CCSER2: variants seen among roughly 807,000 people sequenced by gnomAD.
The protein encoded by CCSER2 is serine-rich coiled-coil domain-containing protein 2.
A neutral mutation model predicts 92.3 loss-of-function variants in CCSER2; 46 were observed. The observed-to-expected ratio is 0.50, with a 90% CI of 0.39 to 0.64. CCSER2 has a LOEUF of 0.64. CCSER2 is among the 30% of genes least tolerant of loss of function. CCSER2 has a pLI of 0.00. For synonymous variants in CCSER2, 433 were observed against 431.4 expected (o/e 1.00, Z -0.04); for missense variants, 1,244 against 1,238.9 (o/e 1.00, Z -0.06).
rs773914857 is a variant in CCSER2, at chr10:84,513,580, T to G, written c.2457T>G (p.His819Gln). 7 of 1,613,740 alleles carry G rather than the reference T, an allele frequency of 4.3e-6. No individual in the cohort carries two copies. Among genetic ancestry groups the G allele is most frequent in the Non-Finnish European group, 4.2e-6 (5 of 1,180,004 alleles). The stretch of plus-strand genomic sequence containing the variant: ...AAGACATGCATCAGGGCGGTGCACA[T>G]CCGGAAGAAAGCTTTACACACGTCT... ...SIQDMHQGGA[H>Q]PEESFTHVLH... Residue 819 changes from histidine (H) to glutamine (Q), a missense_variant, in exon 10 of 10, where the codon CAT (histidine) becomes CAG (glutamine). By Grantham distance (24) the His-to-Gln change is conservative. Coordinates refer to ENST00000372088, the MANE Select transcript of CCSER2 (RefSeq NM_001284240.2).
intron 9 of CCSER2, among the ~76,000 whole-genome samples, chr10:84,479,089 A>G (rs1342013958): frequency 6.6e-6 from 1 of 152,140 alleles, no homozygotes; most frequent in Non-Finnish European, 1.5e-5. Flanking sequence ...TGCCATCCTC[A>G]TGGAAGTCTT....
intron 3 of CCSER2, among the ~76,000 whole-genome samples, chr10:84,417,165 CT>C (rs1178825452): frequency 6.6e-6 from 1 of 152,144 alleles, no homozygotes; most frequent in African/African-American, 2.4e-5. Context: ...TAAAACACTA[CT>C]TTTTTAAGAA....
chr10:84,451,822 T>C (rs1219312681), intron 6 of CCSER2, among the ~76,000 whole-genome samples: 3 of 152,220 alleles, frequency 2.0e-5, no homozygotes, highest in Non-Finnish European at 4.4e-5. Context: ...GTCTTTGCCC[T>C]GACCATCTGT....
At position 84,408,920 on chromosome 10, in the gene CCSER2, A is replaced by G. The variant is rs551519162; in HGVS notation, c.1615-8851A>G. Among the ~76,000 whole-genome samples, 12 of 152,334 alleles carry G rather than the reference A, an allele frequency of 7.9e-5. No individual in the cohort carries two copies. The East Asian group carries it at 2.3e-3, about 29-fold the overall frequency. On this transcript the variant is annotated intron_variant, in intron 3 of 9. Transcript: ENST00000372088. ...ATTACTTATAATGCTTATTGTGATA[A>G]ATGAGAAAACATAGGTACTGTAAAT...
At chr10:84,506,189 C>A (rs1311869074) in intron 9 of CCSER2, among the ~76,000 whole-genome samples, 1 of 150,590 alleles carries the variant, frequency 6.6e-6, no homozygotes, top group Non-Finnish European at 1.5e-5. Flanking sequence ...CTTAGAAAAG[C>A]CATTGAACTC....
chr10:84,501,110 T>G (rs1439007291), intron 9 of CCSER2, among the ~76,000 whole-genome samples: 6 of 152,166 alleles, frequency 3.9e-5, no homozygotes, highest in African/African-American at 1.4e-4. Context: ...GTCCTCCTCC[T>G]TTTCTATCTC....
chr10:84,339,896 C>T (rs1844077137), intron 1 of CCSER2, among the ~76,000 whole-genome samples: 1 of 152,042 alleles, frequency 6.6e-6, no homozygotes, highest in African/African-American at 2.4e-5. Flanking sequence ...GTCTGGAGTG[C>T]AAAGGCACAA....
chr10:84,431,877 T>G (rs1289477298), intron 5 of CCSER2, among the ~76,000 whole-genome samples: 1 of 152,224 alleles, frequency 6.6e-6, no homozygotes, highest in Non-Finnish European at 1.5e-5. Flanking sequence ...ATATACAGAT[T>G]TTTGCACGGG....
At chr10:84,465,847 T>C (rs1218940321) in intron 7 of CCSER2, among the ~76,000 whole-genome samples, 1 of 152,092 alleles carries the variant, frequency 6.6e-6, no homozygotes, top group East Asian at 1.9e-4. Flanking sequence ...GCCTCCTGGG[T>C]TCACGCCATT....
intron 1 of CCSER2, among the ~76,000 whole-genome samples, chr10:84,369,052 A>AT (rs979777341): frequency 5.3e-5 from 8 of 150,990 alleles, no homozygotes; most frequent in African/African-American, 1.9e-4. Flanking sequence ...TCCATGGTGT[A>AT]TTTTTTTAAT....
chr10:84,367,232 T>A (rs1589455489), intron 1 of CCSER2, among the ~76,000 whole-genome samples: 1 of 152,128 alleles, frequency 6.6e-6, no homozygotes, highest in Non-Finnish European at 1.5e-5. Context: ...TCACCTTTAT[T>A]TTAGGGATAT....
intron 1 of CCSER2, among the ~76,000 whole-genome samples, chr10:84,355,522 A>G (rs982944897): frequency 2.6e-5 from 4 of 151,994 alleles, no homozygotes; most frequent in African/African-American, 9.7e-5. Context: ...TTGTTCCCCC[A>G]TGTGCTACCC....
At chr10:84,355,764 G>A (rs1845133176) in intron 1 of CCSER2, among the ~76,000 whole-genome samples, 1 of 152,168 alleles carries the variant, frequency 6.6e-6, no homozygotes, top group East Asian at 1.9e-4. Flanking sequence ...AGTACTGTAT[G>A]TACCTTCTTT....
chr10:84,339,421 A>C (rs1038859428), intron 1 of CCSER2, among the ~76,000 whole-genome samples: 9 of 152,004 alleles, frequency 5.9e-5, no homozygotes, highest in Non-Finnish European at 7.4e-5. Context: ...GAAAATGAGA[A>C]ATGCTTTGAC....
intron 1 of CCSER2, among the ~76,000 whole-genome samples, chr10:84,346,515 G>C (rs1050686663): frequency 1.3e-5 from 2 of 152,112 alleles, no homozygotes; most frequent in Non-Finnish European, 2.9e-5. Flanking sequence ...TATACCTAGG[G>C]ATACCCAGCT....
At chr10:84,400,501 T>C (rs1842062860) in intron 3 of CCSER2, among the ~76,000 whole-genome samples, 1 of 152,134 alleles carries the variant, frequency 6.6e-6, no homozygotes, top group African/African-American at 2.4e-5. Context: ...AGTTTTATGG[T>C]TTTAGTTCTT....
intron 3 of CCSER2, among the ~76,000 whole-genome samples, chr10:84,383,750 A>G (rs1023954158): frequency 3.3e-5 from 5 of 152,330 alleles, no homozygotes; most frequent in African/African-American, 1.2e-4. Context: ...TGGTGAGATC[A>G]TATTGTTGTT....
At chr10:84,444,888 A>G (rs1459359217) in intron 6 of CCSER2, among the ~76,000 whole-genome samples, 1 of 152,200 alleles carries the variant, frequency 6.6e-6, no homozygotes, top group Non-Finnish European at 1.5e-5. Flanking sequence ...ACTCATCACA[A>G]CATCATTATG....
At chr10:84,365,610 C>T (rs936325881) in intron 1 of CCSER2, among the ~76,000 whole-genome samples, 2 of 152,132 alleles carry the variant, frequency 1.3e-5, no homozygotes, top group African/African-American at 2.4e-5. Context: ...TTCTTTTCCC[C>T]CACAAACTGG....
Sources: allele counts gnomAD v4.1 joint callset (sites outside exome capture counted in the v4.1 genomes callset), GRCh38; gene constraint gnomAD v4.1.1; transcripts MANE v1.5; gene names NCBI Gene and HGNC (gene_info 2026-07-23, HGNC 2026-07-21).